The following VWC2L variants were observed in gnomAD, a reference collection of about 807,000 sequenced individuals.
VWC2L encodes von Willebrand factor C domain containing 2 like.
VWC2L carries 10 observed loss-of-function variants against 21.6 expected under a neutral mutation model. That is an observed-to-expected ratio of 0.46 (90% CI 0.29 to 0.78). VWC2L has a LOEUF of 0.78. Ranked by LOEUF, VWC2L falls within the 30% of genes least tolerant of loss-of-function variation. The pLI, the probability that VWC2L is intolerant of heterozygous loss-of-function variation, is 0.10. For missense variants in VWC2L, 209 were observed against 277.1 expected (o/e 0.75, Z 1.74); for synonymous variants, 96 against 94.3 (o/e 1.02, Z -0.10).
chr2:214,529,002 A>G (rs534951125), intron 3 of VWC2L, among the ~76,000 whole-genome samples: 15 of 152,276 alleles, frequency 9.9e-5, no homozygotes, highest in African/African-American at 3.6e-4. Flanking sequence ...GCTTGACCCA[A>G]TGTTAGCAGG....
chr2:214,542,785 G>T (rs1291054743), intron 3 of VWC2L, among the ~76,000 whole-genome samples: 1 of 152,080 alleles, frequency 6.6e-6, no homozygotes, highest in Non-Finnish European at 1.5e-5. Context: ...TAAAGCTAAT[G>T]GCTGTACAAT....
At chr2:214,535,764 TGATA>T (rs1355195120) in intron 3 of VWC2L, among the ~76,000 whole-genome samples, 2 of 150,576 alleles carry the variant, frequency 1.3e-5, no homozygotes, top group Non-Finnish European at 3.0e-5. Context: ...AACAGGATCA[TGATA>T]GAAATTCAAA....
chr2:214,550,894 C>T (rs1184073420), intron 3 of VWC2L, among the ~76,000 whole-genome samples: 1 of 152,142 alleles, frequency 6.6e-6, no homozygotes, highest in Non-Finnish European at 1.5e-5. Flanking sequence ...AACATTTAAA[C>T]AACTAATTTT....
At chr2:214,462,985 C>T (rs1033956028) in intron 3 of VWC2L, among the ~76,000 whole-genome samples, 1 of 152,104 alleles carries the variant, frequency 6.6e-6, no homozygotes, top group African/African-American at 2.4e-5. Context: ...GACGAAAGAA[C>T]ATTTTTTATA....
chr2:214,422,124 G>C (rs866446295), intron 2 of VWC2L, among the ~76,000 whole-genome samples: 1 of 151,596 alleles, frequency 6.6e-6, no homozygotes, highest in Non-Finnish European at 1.5e-5. Flanking sequence ...TCCTGACCTC[G>C]TGATCCGCCC....
intron 3 of VWC2L, among the ~76,000 whole-genome samples, chr2:214,442,183 T>G (rs1702771619): frequency 6.6e-6 from 1 of 152,186 alleles, no homozygotes. Flanking sequence ...GCGCTGGGAT[T>G]ACAGGCGTGA....
At position 214,445,484 on chromosome 2, in the gene VWC2L, C is replaced by T. The variant is rs189377924; in HGVS notation, c.520+8726C>T. Reference sequence around the variant, plus strand: ...CAATATTAAACTAATGAGCCAGAAACTATACATGTATGTACATATATGTGT... The same window carrying T: ...CAATATTAAACTAATGAGCCAGAAATTATACATGTATGTACATATATGTGT... On this transcript the variant is annotated intron_variant, in intron 3 of 3. Coordinates refer to ENST00000312504, the MANE Select transcript of VWC2L (RefSeq NM_001080500.4). Among the ~76,000 whole-genome samples, 139 of 151,728 alleles carry T rather than the reference C, an allele frequency of 9.2e-4. 1 individual carries two copies. In the East Asian group the frequency reaches 0.017, roughly 18 times the overall value.
At chr2:214,420,633 G>T (rs1426738535) in intron 2 of VWC2L, among the ~76,000 whole-genome samples, 1 of 152,110 alleles carries the variant, frequency 6.6e-6, no homozygotes, top group Non-Finnish European at 1.5e-5. Flanking sequence ...GAGAATAGAG[G>T]TGCAGTTTTT....
intron 3 of VWC2L, among the ~76,000 whole-genome samples, chr2:214,477,366 T>C (rs1460558936): frequency 1.3e-5 from 2 of 152,240 alleles, no homozygotes; most frequent in Non-Finnish European, 2.9e-5. Context: ...CCTTGAGAAA[T>C]ATGCAGAGGT....
chr2:214,567,558 AC>A (rs1690083808), intron 3 of VWC2L, among the ~76,000 whole-genome samples: 1 of 78,540 alleles, frequency 1.3e-5, no homozygotes, highest in East Asian at 3.6e-4. Flanking sequence ...ACACACACAC[AC>A]ACACACACAC....
chr2:214,488,052 G>C (rs1688695530), intron 3 of VWC2L, among the ~76,000 whole-genome samples: 1 of 152,126 alleles, frequency 6.6e-6, no homozygotes. Context: ...ACCGTACCTT[G>C]TATTTTACTC....
At chr2:214,500,152 T>C (rs1204452672) in intron 3 of VWC2L, among the ~76,000 whole-genome samples, 2 of 152,366 alleles carry the variant, frequency 1.3e-5, no homozygotes, top group East Asian at 3.9e-4. Flanking sequence ...AAGAAACCTC[T>C]GCCACATAAT....
intron 2 of VWC2L, among the ~76,000 whole-genome samples, chr2:214,434,891 C>G (rs1702655759): frequency 6.6e-6 from 1 of 152,134 alleles, no homozygotes; most frequent in Non-Finnish European, 1.5e-5. Flanking sequence ...CCAGCCCTTC[C>G]TTCAACAAGA....
chr2:214,412,673 C>A (rs1053085178), intron 1 of VWC2L, among the ~76,000 whole-genome samples: 4 of 151,970 alleles, frequency 2.6e-5, no homozygotes, highest in African/African-American at 2.4e-5. Context: ...ATACTACCTT[C>A]CATTTTACTA....
At chr2:214,471,668 G>A (rs748745503) in intron 3 of VWC2L, among the ~76,000 whole-genome samples, 3 of 152,126 alleles carry the variant, frequency 2.0e-5, no homozygotes, top group Non-Finnish European at 4.4e-5. Context: ...TGTGCTCTAC[G>A]AAGAGACTAC....
chr2:214,419,803 C>A (rs1702408952), intron 2 of VWC2L, among the ~76,000 whole-genome samples: 1 of 152,112 alleles, frequency 6.6e-6, no homozygotes, highest in African/African-American at 2.4e-5. Context: ...TTCAGGATGC[C>A]AAGTTTTTGC....
At chr2:214,530,917 A>G (rs191596759) in intron 3 of VWC2L, among the ~76,000 whole-genome samples, 28 of 152,314 alleles carry the variant, frequency 1.8e-4, no homozygotes, top group Admixed American at 3.9e-4. Flanking sequence ...AGGTAGCTGC[A>G]TTGGCAATCG....
At chr2:214,422,609 G>A (rs976954714) in intron 2 of VWC2L, among the ~76,000 whole-genome samples, 3 of 152,092 alleles carry the variant, frequency 2.0e-5, no homozygotes, top group African/African-American at 7.2e-5. Context: ...ATTATTAATT[G>A]GGAACTGGCT....
intron 3 of VWC2L, among the ~76,000 whole-genome samples, chr2:214,523,082 A>C (rs1044105420): frequency 1.7e-4 from 26 of 152,192 alleles, no homozygotes; most frequent in Admixed American, 1.2e-3. Flanking sequence ...TTTTATAATG[A>C]TTCTATCATT....
Sources: allele counts gnomAD v4.1 joint callset (sites outside exome capture counted in the v4.1 genomes callset), GRCh38; gene constraint gnomAD v4.1.1; transcripts MANE v1.5; gene names NCBI Gene and HGNC (gene_info 2026-07-23, HGNC 2026-07-21).